Variants in KLHL6 observed in about 807,000 individuals in gnomAD.
The protein encoded by KLHL6 is kelch like family member 6.
KLHL6 carries 41 observed loss-of-function variants against 58.6 expected under a neutral mutation model. That is an observed-to-expected ratio of 0.70 (90% CI 0.55 to 0.91). KLHL6 has a LOEUF of 0.91. Among genes scored for constraint, KLHL6 ranks in the 40% least tolerant of loss-of-function variants. KLHL6 has a pLI of 0.00. For missense variants in KLHL6, 714 were observed against 805.6 expected (o/e 0.89, Z 1.38); for synonymous variants, 338 against 322.7 (o/e 1.05, Z -0.51).
chr3:183,542,058 C>T (rs535663707), intron 1 of KLHL6, among the ~76,000 whole-genome samples: 1 of 152,206 alleles, frequency 6.6e-6, no homozygotes, highest in East Asian at 1.9e-4. Flanking sequence ...TCTCTGTGGT[C>T]CGGCTGCCCT....
chr3:183,533,250 GTTCTTTCCTTCCTTCC>G (rs1050642817), intron 1 of KLHL6, among the ~76,000 whole-genome samples: 5 of 151,416 alleles, frequency 3.3e-5, no homozygotes, highest in Admixed American at 6.6e-5. Flanking sequence ...TCAATCATCA[GTTCTTTCCTTCCTTCC>G]TTCTTTCCTT....
chr3:183,508,513 T>A lies in KLHL6; in HGVS notation c.460-5A>T. On this transcript the variant is annotated splice_polypyrimidine_tract_variant and splice_region_variant and intron_variant, in intron 2 of 6. Transcript: ENST00000341319. ...GGCATCCACCATCCGCAGGAACTGA[T>A]GAAATAGAAAGGGTGGAAAGGAGGC... 1 of 1,610,570 alleles carries A rather than the reference T, an allele frequency of 6.2e-7. No individual in the cohort carries two copies. Among genetic ancestry groups the A allele is most frequent in the Non-Finnish European group, 8.5e-7 (1 of 1,178,046 alleles).
At position 183,491,652 on chromosome 3, in the gene KLHL6, C is replaced by T; in HGVS notation, c.*275G>A. ...TTAAATGAACCGATAAAAGGAAGTG[C>T]CTGGCACAGAAGCCGGCATAGGGTG... On this transcript the variant is annotated 3_prime_UTR_variant, in exon 7 of 7. Coordinates refer to ENST00000341319, the MANE Select transcript of KLHL6 (RefSeq NM_130446.4). The T allele has an allele frequency of 5.8e-6, 2 of 345,472 alleles. No individual in the cohort carries two copies. The highest frequency in any genetic ancestry group is 5.2e-6 in the Non-Finnish European group (1 of 192,020). 21.4% of individuals were successfully genotyped at this position (345,472 alleles called of 1,614,324 possible). A position where few individuals can be genotyped will look rare whatever the true frequency, so the allele number is the denominator to read the frequency against.
At chr3:183,541,373 G>A (rs557302423) in intron 1 of KLHL6, among the ~76,000 whole-genome samples, 116 of 152,332 alleles carry the variant, frequency 7.6e-4, no homozygotes, top group Non-Finnish European at 1.1e-3. Flanking sequence ...GAATCTAGAC[G>A]TGAAGGAGGA....
At chr3:183,545,032 A>C (rs1307063610) in intron 1 of KLHL6, among the ~76,000 whole-genome samples, 3 of 152,134 alleles carry the variant, frequency 2.0e-5, no homozygotes, top group Non-Finnish European at 1.5e-5. Flanking sequence ...ACCGTGTGGC[A>C]GAAGTCAGCC....
At position 183,555,638 on chromosome 3, in the gene KLHL6, G is replaced by C; in HGVS notation, c.16C>G (p.Gln6Glu). 1 of 1,596,766 alleles carries C rather than the reference G, an allele frequency of 6.3e-7. No individual in the cohort carries two copies. The highest frequency in any genetic ancestry group is 8.5e-7 in the Non-Finnish European group (1 of 1,172,606). Residue 6 changes from glutamine to glutamate, a missense_variant, in exon 1 of 7, where the codon CAA becomes GAA. Gln to Glu is a conservative substitution (Grantham distance 29). Transcript: ENST00000341319. ...TCACCCATGGTCCAGGCGCCCCTTT[G>C]TCCTGCCATCAACATCGAGACTGAA... MLMAG[Q>E]RGAWTMGDVV...
intron 2 of KLHL6, among the ~76,000 whole-genome samples, chr3:183,509,392 C>T (rs935317292): frequency 2.0e-5 from 3 of 152,130 alleles, no homozygotes; most frequent in Non-Finnish European, 4.4e-5. Context: ...ATCATATGTA[C>T]ATTGTGACCT....
chr3:183,491,646 GAA>G lies in KLHL6; in HGVS notation c.*279_*280del, dbSNP rs1334281965. ...ACCAGGTTAAATGAACCGATAAAAGGAAGTGCCTGGCACAGAAGCCGGCATAG... is the reference window on the plus strand; with the variant it reads ...ACCAGGTTAAATGAACCGATAAAAGGGTGCCTGGCACAGAAGCCGGCATAG... On this transcript the variant is annotated 3_prime_UTR_variant, in exon 7 of 7. Coordinates refer to ENST00000341319, the MANE Select transcript of KLHL6 (RefSeq NM_130446.4). 4 of 335,330 alleles carry G rather than the reference GAA, an allele frequency of 1.2e-5. No homozygotes were observed. Among genetic ancestry groups the G allele is most frequent in the Non-Finnish European group, 1.1e-5 (2 of 185,652 alleles). The allele number at this position is 335,330 out of a possible 1,614,324, so 20.8% of individuals were successfully genotyped here.
chr3:183,540,632 G>A (rs568903049), intron 1 of KLHL6, among the ~76,000 whole-genome samples: 1 of 152,096 alleles, frequency 6.6e-6, no homozygotes, highest in Non-Finnish European at 1.5e-5. Flanking sequence ...TCAATCTCCT[G>A]GCCTCAAGCA....
chr3:183,551,358 G>A (rs1426786993), intron 1 of KLHL6, among the ~76,000 whole-genome samples: 1 of 152,082 alleles, frequency 6.6e-6, no homozygotes, highest in Non-Finnish European at 1.5e-5. Context: ...GGATTCTGAG[G>A]AAATGGAACT....
At chr3:183,505,168 G>A (rs1034491564) in intron 3 of KLHL6, among the ~76,000 whole-genome samples, 1 of 152,174 alleles carries the variant, frequency 6.6e-6, no homozygotes, top group Non-Finnish European at 1.5e-5. Flanking sequence ...GCATAGAATA[G>A]GACCTATGTG....
rs1218842801 is a variant in KLHL6, at chr3:183,491,958, C to T, written c.1835G>A (p.Arg612His). ...AGACACTGCTCCGGGCACGATCCTG[C>T]GGATGTGGGTGTACGACTTCCTGAT... ...VTIRKSYTHI[R>H]RIVPGAVSV Residue 612 changes from arginine (R) to histidine (H), a missense_variant, in exon 7 of 7, where the codon CGC becomes CAC. Arg to His is a conservative substitution (Grantham distance 29, BLOSUM62 0). Coordinates refer to ENST00000341319, the MANE Select transcript of KLHL6 (RefSeq NM_130446.4). 6.5e-7 allele frequency: 1 copy of T among 1,534,714 alleles called. No homozygotes were observed. The highest frequency in any genetic ancestry group is 8.8e-7 in the Non-Finnish European group (1 of 1,138,620).
At chr3:183,521,035 G>A (rs1407926618) in intron 2 of KLHL6, 1 of 152,222 alleles carries the variant, frequency 6.6e-6, no homozygotes, top group African/African-American at 2.4e-5. Context: ...TTCTTGGGCA[G>A]AGGTCCCTGT....
intron 2 of KLHL6, among the ~76,000 whole-genome samples, chr3:183,512,495 TA>T (rs1440130098): frequency 5.3e-4 from 80 of 149,620 alleles, no homozygotes; most frequent in East Asian, 5.8e-4. Flanking sequence ...TACATTATGA[TA>T]TTTTTTTTTT....
At chr3:183,522,089 G>C (rs943631933) in intron 2 of KLHL6, among the ~76,000 whole-genome samples, 1 of 149,362 alleles carries the variant, frequency 6.7e-6, no homozygotes, top group Admixed American at 6.7e-5. Context: ...ACTTTGGGAG[G>C]CCAAGCCAGG....
chr3:183,521,692 A>ATT (rs10556149), intron 2 of KLHL6: 35 of 130,562 alleles, frequency 2.7e-4, no homozygotes, highest in East Asian at 4.6e-4. Flanking sequence ...GACCTACCTG[A>ATT]TTTTTTTTTT....
At chr3:183,549,700 G>A (rs904232255) in intron 1 of KLHL6, among the ~76,000 whole-genome samples, 1 of 152,202 alleles carries the variant, frequency 6.6e-6, no homozygotes, top group African/African-American at 2.4e-5. Flanking sequence ...AGTAGAGATG[G>A]GGTTTCACCA....
intron 1 of KLHL6, among the ~76,000 whole-genome samples, chr3:183,536,808 G>A (rs960115572): frequency 3.3e-5 from 5 of 152,156 alleles, no homozygotes; most frequent in South Asian, 2.1e-4. Context: ...GCATTTGGCC[G>A]GGTGCGTATC....
rs554184772 is a variant in KLHL6, at chr3:183,501,633, C to T, written c.910-1806G>A. Among the ~76,000 whole-genome samples the T allele has an allele frequency of 5.9e-5, 9 of 152,288 alleles. No homozygotes were observed. The South Asian group carries it at 1.2e-3, about 21-fold the overall frequency. On this transcript the variant is annotated intron_variant, in intron 3 of 6. Transcript: ENST00000341319. Reference sequence around the variant, plus strand: ...CTCCTGACCCCCAGGGCTGGCACCTCGTTCCTTGGTCCTGACCTACGAAAG... The same window carrying T: ...CTCCTGACCCCCAGGGCTGGCACCTTGTTCCTTGGTCCTGACCTACGAAAG...
Sources: gnomAD v4.1 joint callset for allele counts (sites outside exome capture counted in the v4.1 genomes callset) on GRCh38, gnomAD v4.1.1 for gene constraint, MANE v1.5 for transcripts, NCBI Gene and HGNC (gene_info 2026-07-23, HGNC 2026-07-21) for gene names.